The following CELF2 variants were observed in gnomAD, a reference collection of about 807,000 sequenced individuals.
The protein encoded by CELF2 is CUG triplet repeat RNA-binding protein 2.
In CELF2, 8 loss-of-function variants were observed where a neutral mutation model predicts 62.6. The ratio of observed to expected loss-of-function variants is 0.13; its 90% CI spans 0.07 to 0.23. The LOEUF is 0.23. Among genes scored for constraint, CELF2 ranks in the 10% least tolerant of loss-of-function variants. The pLI, the probability that CELF2 is intolerant of heterozygous loss-of-function variation, is 1.00. For synonymous variants in CELF2, 258 were observed against 250.0 expected (o/e 1.03, Z -0.30); for missense variants, 333 against 671.0 (o/e 0.50, Z 5.56).
chr10:10,590,160 T>G, the CELF2 span, among the ~76,000 whole-genome samples: 2 of 151,284 alleles, frequency 1.3e-5, no homozygotes, highest in Admixed American at 1.3e-4. Flanking sequence ...CACATGTGCA[T>G]GCACACACAC....
At chr10:10,464,135 G>A in the CELF2 span, among the ~76,000 whole-genome samples, 1 of 152,138 alleles carries the variant, frequency 6.6e-6, no homozygotes, top group South Asian at 2.1e-4. Context: ...GTCCTCACCG[G>A]TGCCCCCAGA....
At chr10:10,914,547 G>A (rs929530800) in intron 1 of CELF2, among the ~76,000 whole-genome samples, 3 of 151,962 alleles carry the variant, frequency 2.0e-5, no homozygotes, top group Admixed American at 6.6e-5. Flanking sequence ...TATCTTTTTC[G>A]GGATTTTTTT....
chr10:10,981,531 A>G (rs2052101004), intron 2 of CELF2, among the ~76,000 whole-genome samples: 1 of 152,214 alleles, frequency 6.6e-6, no homozygotes, highest in Non-Finnish European at 1.5e-5. Context: ...TAGTTGAGAA[A>G]CAACAAAAAT....
the CELF2 span, among the ~76,000 whole-genome samples, chr10:10,552,828 G>A: frequency 6.6e-6 from 1 of 152,204 alleles, no homozygotes; most frequent in Non-Finnish European, 1.5e-5. Flanking sequence ...CACCGCAGAT[G>A]AGGTGGCTTA....
At chr10:10,540,997 G>C in the CELF2 span, among the ~76,000 whole-genome samples, 51 of 152,082 alleles carry the variant, frequency 3.4e-4, no homozygotes, top group Non-Finnish European at 6.2e-4. Context: ...CTGCACTCCA[G>C]CCTGGGCGAC....
At chr10:10,844,725 T>C (rs2058904010) in intron 1 of CELF2, among the ~76,000 whole-genome samples, 1 of 152,146 alleles carries the variant, frequency 6.6e-6, no homozygotes, top group African/African-American at 2.4e-5. Flanking sequence ...ATTTTATCTG[T>C]GTCTAAGGAC....
intron 2 of CELF2, chr10:10,929,617 TG>T (rs1252685711): frequency 1.3e-5 from 2 of 152,246 alleles, no homozygotes; most frequent in Non-Finnish European, 2.9e-5. Flanking sequence ...TTTGACCTTG[TG>T]CAAGTTTCTT....
At chr10:10,633,865 T>A in the CELF2 span, among the ~76,000 whole-genome samples, 7 of 152,154 alleles carry the variant, frequency 4.6e-5, no homozygotes, top group South Asian at 1.4e-3. Flanking sequence ...TTTTAATATA[T>A]GACCAAGATA....
chr10:10,603,144 A>G, the CELF2 span, among the ~76,000 whole-genome samples: 1 of 146,966 alleles, frequency 6.8e-6, no homozygotes, highest in Non-Finnish European at 1.5e-5. Flanking sequence ...AACGAAAAGA[A>G]GAGTCAGATA....
intron 2 of CELF2, among the ~76,000 whole-genome samples, chr10:10,968,899 A>G (rs1462260505): frequency 6.6e-6 from 1 of 152,192 alleles, no homozygotes; most frequent in Non-Finnish European, 1.5e-5. Context: ...GCTAAAATGA[A>G]TAATAAGTTA....
In CELF2 at chr10:11,217,354, G is replaced by A. The variant is rs1032233238; in HGVS notation, c.272-71G>A. On this transcript the variant is annotated intron_variant, in intron 2 of 12. Transcript: ENST00000633077. The surrounding 1 kb of genome is among the most constrained non-coding windows in gnomAD (Gnocchi z 5.6). ...GTCCTTTTAAGTAGATTGTTTGTTC[G>A]CCACAGTCTCCATTATATCTAAGCA... is the stretch of plus-strand genomic sequence containing the variant. 34 of 1,022,274 alleles carry A rather than the reference G, an allele frequency of 3.3e-5. No homozygotes were observed. The highest frequency in any genetic ancestry group is 6.6e-5 in the Admixed American group (3 of 45,482). 63.3% of individuals were successfully genotyped at this position (1,022,274 alleles called of 1,614,324 possible).
chr10:11,084,185 A>G (rs891894027), intron 1 of CELF2, among the ~76,000 whole-genome samples: 31 of 152,378 alleles, frequency 2.0e-4, no homozygotes, highest in African/African-American at 7.2e-4. Context: ...AAATAATTCA[A>G]TTCCACAGCT....
chr10:10,951,532 G>A (rs7071834), intron 2 of CELF2, among the ~76,000 whole-genome samples: 3,849 of 152,250 alleles, frequency 0.025, 184 homozygotes, highest in African/African-American at 0.087. Context: ...CAGCAAAGGG[G>A]AAGGGTGATT....
intron 2 of CELF2, among the ~76,000 whole-genome samples, chr10:11,215,482 C>T (rs1016658275): frequency 2.0e-5 from 3 of 152,162 alleles, no homozygotes; most frequent in African/African-American, 7.2e-5. Context: ...CCTGAACTTA[C>T]TCTTTCGTAA....
intron 2 of CELF2, among the ~76,000 whole-genome samples, chr10:11,184,203 C>G (rs1352889056): frequency 6.6e-6 from 1 of 152,154 alleles, no homozygotes; most frequent in African/African-American, 2.4e-5. Context: ...AATCAGTTGT[C>G]TGTATATGTG....
At chr10:11,293,885 A>G (rs1441866238) in intron 9 of CELF2, among the ~76,000 whole-genome samples, 3 of 152,134 alleles carry the variant, frequency 2.0e-5, no homozygotes, top group Non-Finnish European at 4.4e-5. Flanking sequence ...TTTAGCGCAC[A>G]CGTCTCTAAG....
intron 2 of CELF2, among the ~76,000 whole-genome samples, chr10:10,999,582 C>G (rs1056442599): frequency 6.6e-6 from 1 of 152,126 alleles, no homozygotes; most frequent in Non-Finnish European, 1.5e-5. Flanking sequence ...GCCTGGGCAA[C>G]AGAGCAAGAC....
At chr10:11,272,530 C>T (rs764180250) in intron 7 of CELF2, among the ~76,000 whole-genome samples, 2 of 152,220 alleles carry the variant, frequency 1.3e-5, no homozygotes, top group Non-Finnish European at 2.9e-5. Context: ...TCTTCTAGCA[C>T]GTCTCCTGTG....
At chr10:10,544,780 G>A in the CELF2 span, among the ~76,000 whole-genome samples, 2 of 152,318 alleles carry the variant, frequency 1.3e-5, no homozygotes, top group South Asian at 4.1e-4. Context: ...AGCCACAAAT[G>A]TAACAGAGAA....
Sources: gnomAD v4.1 joint callset for allele counts (sites outside exome capture counted in the v4.1 genomes callset) on GRCh38, gnomAD v4.1.1 for gene constraint, Gnocchi (gnomAD v3.1) non-coding constraint, MANE v1.5 for transcripts, NCBI Gene and HGNC (gene_info 2026-07-23, HGNC 2026-07-21) for gene names.